Variants in CNTNAP2 observed in about 807,000 individuals in gnomAD.
The protein encoded by CNTNAP2 is contactin-associated protein-like 2.
Under a neutral mutation model 155.2 loss-of-function variants are expected in CNTNAP2, and 98 were observed. The observed-to-expected ratio is 0.63, with a 90% CI of 0.54 to 0.75. The LOEUF is 0.75. Among genes scored for constraint, CNTNAP2 ranks in the 30% least tolerant of loss-of-function variants. The pLI, the probability that CNTNAP2 is intolerant of heterozygous loss-of-function variation, is 0.00. For synonymous variants in CNTNAP2, 651 were observed against 631.2 expected (o/e 1.03, Z -0.47); for missense variants, 1,727 against 1,688.1 (o/e 1.02, Z -0.40).
intron 9 of CNTNAP2, among the ~76,000 whole-genome samples, chr7:147,324,976 T>C (rs1373827260): frequency 6.6e-6 from 1 of 152,184 alleles, no homozygotes; most frequent in Non-Finnish European, 1.5e-5. Context: ...CTCTGACTTT[T>C]TAAAACATCC....
At chr7:148,006,779 G>T (rs1406944818) in intron 15 of CNTNAP2, among the ~76,000 whole-genome samples, 1 of 151,860 alleles carries the variant, frequency 6.6e-6, no homozygotes, top group Non-Finnish European at 1.5e-5. Context: ...ATTTATGGAA[G>T]AAATCTCTAA....
chr7:147,265,485 G>A (rs995693860), intron 8 of CNTNAP2, among the ~76,000 whole-genome samples: 2 of 152,196 alleles, frequency 1.3e-5, no homozygotes, highest in African/African-American at 2.4e-5. Flanking sequence ...CCAGCCAGGG[G>A]CTTAGGGACC....
chr7:147,903,848 T>A, intron 14 of CNTNAP2, 127 bp downstream of exon 14: 1 of 1,192,034 alleles, frequency 8.4e-7, no homozygotes, highest in Non-Finnish European at 1.2e-6. Context: ...GGTCTGGAAC[T>A]AACCCAACTG....
At chr7:147,531,212 G>A (rs1799425535) in intron 11 of CNTNAP2, among the ~76,000 whole-genome samples, 1 of 152,186 alleles carries the variant, frequency 6.6e-6, no homozygotes, top group African/African-American at 2.4e-5. Flanking sequence ...CAAGCTGTCA[G>A]TGGATCTAAC....
intron 9 of CNTNAP2, among the ~76,000 whole-genome samples, chr7:147,326,230 A>G (rs1226088246): frequency 6.6e-6 from 1 of 152,174 alleles, no homozygotes; most frequent in Non-Finnish European, 1.5e-5. Context: ...GGACACCAGC[A>G]TTCTACTTGC....
intron 8 of CNTNAP2, among the ~76,000 whole-genome samples, chr7:147,280,445 T>G (rs1434748151): frequency 1.3e-5 from 2 of 151,916 alleles, no homozygotes; most frequent in Non-Finnish European, 2.9e-5. Flanking sequence ...TTTACGAAAA[T>G]GCCAACATTT....
At chr7:146,423,440 G>A (rs1208213611) in intron 1 of CNTNAP2, among the ~76,000 whole-genome samples, 1 of 152,154 alleles carries the variant, frequency 6.6e-6, no homozygotes, top group Non-Finnish European at 1.5e-5. Flanking sequence ...AGCCATGGAA[G>A]AAAATGTCAG....
chr7:146,544,709 C>T (rs1423467727), intron 1 of CNTNAP2, among the ~76,000 whole-genome samples: 4 of 150,080 alleles, frequency 2.7e-5, no homozygotes, highest in Admixed American at 2.0e-4. Context: ...AAGCAGAGTG[C>T]CTTGAAGGAG....
intron 13 of CNTNAP2, among the ~76,000 whole-genome samples, chr7:147,726,900 A>G (rs568851235): frequency 2.7e-4 from 41 of 152,142 alleles, no homozygotes; most frequent in Non-Finnish European, 5.1e-4. Flanking sequence ...GGTGAGCTGT[A>G]GTTTCTGTTT....
At chr7:146,992,961 A>G (rs889361476) in intron 3 of CNTNAP2, among the ~76,000 whole-genome samples, 1 of 152,118 alleles carries the variant, frequency 6.6e-6, no homozygotes, top group Non-Finnish European at 1.5e-5. Flanking sequence ...CTGCTCACAC[A>G]TGTTTTAAGA....
At chr7:147,444,744 T>C (rs1030265047) in intron 10 of CNTNAP2, among the ~76,000 whole-genome samples, 2 of 152,120 alleles carry the variant, frequency 1.3e-5, no homozygotes, top group Non-Finnish European at 2.9e-5. Flanking sequence ...AGATAGCAAG[T>C]GCAGGAGGAA....
At chr7:148,324,523 C>T (rs916162239) in intron 21 of CNTNAP2, among the ~76,000 whole-genome samples, 2 of 152,092 alleles carry the variant, frequency 1.3e-5, no homozygotes, top group African/African-American at 2.4e-5. Flanking sequence ...TGAGGTCGGG[C>T]GCAGCGGCTC....
intron 18 of CNTNAP2, among the ~76,000 whole-genome samples, chr7:148,194,641 T>C (rs979299690): frequency 1.3e-5 from 2 of 152,086 alleles, no homozygotes; most frequent in Admixed American, 6.5e-5. Flanking sequence ...TCTGAAGGCC[T>C]GGGAACAGGG....
At chr7:147,992,785 G>A (rs1166528146) in intron 15 of CNTNAP2, among the ~76,000 whole-genome samples, 1 of 152,192 alleles carries the variant, frequency 6.6e-6, no homozygotes, top group Non-Finnish European at 1.5e-5. Flanking sequence ...TAAGATTCTA[G>A]CCATACCTCC....
At chr7:146,916,833 C>A (rs1018106719) in intron 3 of CNTNAP2, among the ~76,000 whole-genome samples, 2 of 151,922 alleles carry the variant, frequency 1.3e-5, no homozygotes, top group Non-Finnish European at 2.9e-5. Context: ...CTGCTCTGAT[C>A]TGGATTATTT....
chr7:148,253,028 A>AGACAGAT (rs1554407992), intron 20 of CNTNAP2, among the ~76,000 whole-genome samples: 16 of 126,254 alleles, frequency 1.3e-4, no homozygotes, highest in Non-Finnish European at 1.9e-4. Context: ...ATAGATAGAT[A>AGACAGAT]GATAGATAGA....
At chr7:146,260,317 G>A (rs112973515) in intron 1 of CNTNAP2, among the ~76,000 whole-genome samples, 6,314 of 152,326 alleles carry the variant, frequency 0.041, 401 homozygotes, top group African/African-American at 0.14. Flanking sequence ...TGAACACAGA[G>A]TCCCCACCTG....
intron 14 of CNTNAP2, among the ~76,000 whole-genome samples, chr7:147,912,897 C>A (rs1445604379): frequency 6.6e-6 from 1 of 152,178 alleles, no homozygotes; most frequent in Non-Finnish European, 1.5e-5. Context: ...CGTCAATCAC[C>A]TGGCCTGAAC....
intron 13 of CNTNAP2, among the ~76,000 whole-genome samples, chr7:147,885,754 C>A (rs577561943): frequency 6.6e-6 from 1 of 152,154 alleles, no homozygotes; most frequent in Non-Finnish European, 1.5e-5. Flanking sequence ...AACACTGGAA[C>A]ATTTACCTTT....
Sources: gnomAD v4.1 joint callset for allele counts (sites outside exome capture counted in the v4.1 genomes callset) on GRCh38, gnomAD v4.1.1 for gene constraint, MANE v1.5 for transcripts, NCBI Gene and HGNC (gene_info 2026-07-23, HGNC 2026-07-21) for gene names.